Variants in NDE1 observed in about 807,000 individuals in gnomAD.
NDE1 encodes nuclear distribution protein nudE homolog 1.
In NDE1, 28 loss-of-function variants were observed where a neutral mutation model predicts 43.4. That is an observed-to-expected ratio of 0.65 (90% CI 0.48 to 0.89). NDE1 has a LOEUF of 0.89. Ranked by LOEUF, NDE1 falls within the 40% of genes least tolerant of loss-of-function variation. The pLI is 0.00. For synonymous variants in NDE1, 184 were observed against 172.0 expected (o/e 1.07, Z -0.55); for missense variants, 441 against 434.1 (o/e 1.02, Z -0.14).
chr16:15,680,565 G>A lies in NDE1; in HGVS notation c.386+2616G>A, dbSNP rs184687668. On this transcript the variant is annotated intron_variant, in intron 4 of 8. Coordinates refer to ENST00000396354, the MANE Select transcript of NDE1 (RefSeq NM_017668.3). ...TATATATTTTTTGAGATGGAGTCTCGCTCTGTCTCCCAGGCTGGAGCTGGA... is the reference window on the plus strand; with the variant it reads ...TATATATTTTTTGAGATGGAGTCTCACTCTGTCTCCCAGGCTGGAGCTGGA... Among the ~76,000 whole-genome samples the A allele has an allele frequency of 1.6e-3, 241 of 152,148 alleles. 1 individual carries two copies. Among genetic ancestry groups the A allele is most frequent in the Non-Finnish European group, 1.0e-3 (70 of 68,008 alleles).
At chr16:15,685,253 GT>G (rs1404710395) in intron 4 of NDE1, among the ~76,000 whole-genome samples, 2 of 152,016 alleles carry the variant, frequency 1.3e-5, no homozygotes, top group Non-Finnish European at 2.9e-5. Context: ...GTAGTAGTGT[GT>G]TTTTTGTTTT....
chr16:15,686,508 T>C, intron 4 of NDE1: 1 of 985,340 alleles, frequency 1.0e-6, no homozygotes, highest in Non-Finnish European at 1.2e-6. Context: ...TATGATCTCT[T>C]CCACCTGCTT....
chr16:15,660,468 A>G (rs1372034276), intron 1 of NDE1, among the ~76,000 whole-genome samples: 6 of 151,668 alleles, frequency 4.0e-5, no homozygotes, highest in Admixed American at 6.6e-5. Context: ...TTGAGACCCT[A>G]TCTCTTAAAA....
intron 4 of NDE1, among the ~76,000 whole-genome samples, chr16:15,683,959 A>G (rs1369633885): frequency 6.6e-6 from 1 of 151,804 alleles, no homozygotes; most frequent in Non-Finnish European, 1.5e-5. Context: ...CGCTGGGCGC[A>G]TTGGCTCACG....
intron 6 of NDE1, among the ~76,000 whole-genome samples, chr16:15,692,446 G>T (rs1260969604): frequency 6.6e-6 from 1 of 152,162 alleles, no homozygotes; most frequent in Non-Finnish European, 1.5e-5. Context: ...GTTTTGCTCT[G>T]TTGCCCAGGC....
At position 15,724,280 on chromosome 16, in the gene NDE1, C is replaced by G. The variant is rs1235455476; in HGVS notation, c.*29C>G. On this transcript the variant is annotated 3_prime_UTR_variant, in exon 9 of 9. Transcript: ENST00000396354. ...CTGTTCTTGGTCTTTTCCAGTTTATCATAAGCGGCCGCCTTCTCCTCGTAC... is the reference window on the plus strand; with the variant it reads ...CTGTTCTTGGTCTTTTCCAGTTTATGATAAGCGGCCGCCTTCTCCTCGTAC... 1.2e-6 allele frequency: 2 copies of G among 1,614,200 alleles called. No individual in the cohort carries two copies. Among genetic ancestry groups the G allele is most frequent in the African/African-American group, 2.7e-5 (2 of 75,040 alleles).
At position 15,725,947 on chromosome 16, in the gene NDE1, CTG is replaced by C. The variant is rs1478083335; in HGVS notation, c.*1698_*1699del. The C allele has an allele frequency of 2.8e-6, 1 of 362,752 alleles. No homozygotes were observed. The highest frequency in any genetic ancestry group is 2.1e-5 in the African/African-American group (1 of 47,774). 22.5% of individuals were successfully genotyped at this position (362,752 alleles called of 1,614,324 possible). On this transcript the variant is annotated 3_prime_UTR_variant, in exon 9 of 9. Transcript: ENST00000396354. ...TACAAGCTCCCCCTCCAACCCCACT[CTG>C]TACTATCTCCCCCTACCCCCAACCC... is the stretch of plus-strand genomic sequence containing the variant.
At chr16:15,699,256 G>T (rs1338532720) in intron 8 of NDE1, among the ~76,000 whole-genome samples, 1 of 143,948 alleles carries the variant, frequency 6.9e-6, no homozygotes, top group Non-Finnish European at 1.5e-5. Flanking sequence ...TAGCAATCAT[G>T]CCTGGCCTTT....
At chr16:15,689,886 C>T (rs2038642683) in intron 5 of NDE1, among the ~76,000 whole-genome samples, 1 of 147,866 alleles carries the variant, frequency 6.8e-6, no homozygotes. Flanking sequence ...TTACAGTGAG[C>T]CGAGACTGTG....
At chr16:15,722,975 C>T (rs1447804161) in intron 8 of NDE1, among the ~76,000 whole-genome samples, 1 of 152,098 alleles carries the variant, frequency 6.6e-6, no homozygotes, top group African/African-American at 2.4e-5. Flanking sequence ...AACCCCTGAC[C>T]TCAAGTGATC....
At chr16:15,689,374 T>TC (rs1270534842) in intron 5 of NDE1, among the ~76,000 whole-genome samples, 1 of 152,070 alleles carries the variant, frequency 6.6e-6, no homozygotes, top group African/African-American at 2.4e-5. Flanking sequence ...TGTCTGTAGT[T>TC]CCAGCTACTT....
At chr16:15,648,733 G>A (rs1428453947), upstream of NDE1, among the ~76,000 whole-genome samples, 5 of 152,298 alleles carry the variant, frequency 3.3e-5, no homozygotes, top group Non-Finnish European at 5.9e-5. Flanking sequence ...GCTTGAATCT[G>A]GGAGGCAGAG....
At chr16:15,676,186 T>C in intron 3 of NDE1, among the ~76,000 whole-genome samples, 1 of 147,762 alleles carries the variant, frequency 6.8e-6, no homozygotes. Context: ...TCCCCTCCTT[T>C]TCTCCCTCCT....
chr16:15,718,657 G>C, intron 8 of NDE1: 1 of 637,446 alleles, frequency 1.6e-6, no homozygotes, highest in South Asian at 2.0e-5. Flanking sequence ...TTGGGATGGG[G>C]ACCAGCACAC....
At position 15,725,122 on chromosome 16, in the gene NDE1, A is replaced by G. The variant is rs1194979508; in HGVS notation, c.*871A>G. 1 of 668,766 alleles carries G rather than the reference A, an allele frequency of 1.5e-6. No individual in the cohort carries two copies. The highest frequency in any genetic ancestry group is 1.9e-5 in the African/African-American group (1 of 51,670). 41.4% of individuals were successfully genotyped at this position (668,766 alleles called of 1,614,324 possible). On this transcript the variant is annotated 3_prime_UTR_variant, in exon 9 of 9. Transcript: ENST00000396354. ...CTGATTGAGAAAATACCCGTGAGGT[A>G]TGGGACTCTGATAAAAAAAAAAAAA...
intron 8 of NDE1, among the ~76,000 whole-genome samples, chr16:15,698,069 T>A (rs1297744930): frequency 1.3e-5 from 2 of 152,174 alleles, no homozygotes; most frequent in African/African-American, 4.8e-5. Flanking sequence ...CTCAAAGTGC[T>A]GGGATTACAG....
chr16:15,724,512 A>T lies in NDE1; in HGVS notation c.*261A>T. On this transcript the variant is annotated 3_prime_UTR_variant, in exon 9 of 9. Transcript: ENST00000396354. ...AGCGAAGACCATGTCTCCTCGTTGG[A>T]GAAACCCAATAGCAGGGGAAGCTGG... 6.2e-7 allele frequency: 1 copy of T among 1,608,038 alleles called. No individual in the cohort carries two copies. Among genetic ancestry groups the T allele is most frequent in the Non-Finnish European group, 8.5e-7 (1 of 1,177,712 alleles).
chr16:15,691,439 C>A, intron 6 of NDE1, 116 bp downstream of exon 6: 1 of 1,234,296 alleles, frequency 8.1e-7, no homozygotes, highest in Non-Finnish European at 1.2e-6. Context: ...CTGATTTGCT[C>A]TCAGGCTTTG....
chr16:15,645,795 A>G (rs1596531190), upstream of NDE1, among the ~76,000 whole-genome samples: 1 of 152,168 alleles, frequency 6.6e-6, no homozygotes, highest in African/African-American at 2.4e-5. Context: ...TTTGTGTGCT[A>G]TTTAAGTAGC....
Sources: gnomAD v4.1 joint callset for allele counts (sites outside exome capture counted in the v4.1 genomes callset) on GRCh38, gnomAD v4.1.1 for gene constraint, MANE v1.5 for transcripts, NCBI Gene and HGNC (gene_info 2026-07-23, HGNC 2026-07-21) for gene names.